The following ZNG1A variants were observed in gnomAD, a reference collection of about 807,000 sequenced individuals.
ZNG1A encodes the protein Zn regulated GTPase metalloprotein activator 1A, also known as zinc-regulated GTPase metalloprotein activator 1A.
the ZNG1A span, among the ~76,000 whole-genome samples, chr9:129,736 G>A: frequency 6.6e-6 from 1 of 150,486 alleles, no homozygotes; most frequent in African/African-American, 2.5e-5. Flanking sequence ...CCAGAGGTCT[G>A]CTATGTAACA....
chr9:131,727 A>G, the ZNG1A span, among the ~76,000 whole-genome samples: 1 of 148,314 alleles, frequency 6.7e-6, no homozygotes, highest in East Asian at 2.0e-4. Context: ...ACAGCTCTGG[A>G]TTTATCCCAT....
the ZNG1A span, chr9:178,671 G>A: frequency 1.7e-5 from 14 of 841,154 alleles, 2 homozygotes; most frequent in African/African-American, 2.1e-4. Context: ...CAACCCATAC[G>A]AGAAGCAAGT....
the ZNG1A span, among the ~76,000 whole-genome samples, chr9:140,416 A>ACGGC: frequency 2.0e-5 from 3 of 151,144 alleles, no homozygotes; most frequent in Non-Finnish European, 4.4e-5. Context: ...GACACCTCAC[A>ACGGC]CGGCCGGGTA....
the ZNG1A span, chr9:154,347 C>T: frequency 5.4e-5 from 20 of 369,912 alleles, no homozygotes; most frequent in Middle Eastern, 1.4e-3. Flanking sequence ...GAATACATTA[C>T]GAGTAAAGAC....
chr9:129,108 G>A, the ZNG1A span, among the ~76,000 whole-genome samples: 1 of 151,608 alleles, frequency 6.6e-6, no homozygotes, highest in Non-Finnish European at 1.5e-5. Flanking sequence ...TACTCTTTGA[G>A]GGTTCTTAGC....
chr9:133,286 A>C, the ZNG1A span, among the ~76,000 whole-genome samples: 2 of 86,208 alleles, frequency 2.3e-5, no homozygotes, highest in Admixed American at 1.2e-4. Flanking sequence ...AAAGCAGGAC[A>C]GTGCATCAGA....
the ZNG1A span, among the ~76,000 whole-genome samples, chr9:165,002 T>C: frequency 1.3e-5 from 2 of 152,194 alleles, no homozygotes; most frequent in African/African-American, 4.8e-5. Flanking sequence ...AAAAACTTAA[T>C]AGTTTTCCAA....
the ZNG1A span, among the ~76,000 whole-genome samples, chr9:142,064 GAGACTT>G: frequency 2.1e-5 from 3 of 144,012 alleles, no homozygotes; most frequent in Non-Finnish European, 4.5e-5. Context: ...GACCTACAAA[GAGACTT>G]AGACTCCCAC....
At chr9:174,282 T>C in the ZNG1A span, among the ~76,000 whole-genome samples, 1 of 152,106 alleles carries the variant, frequency 6.6e-6, no homozygotes, top group Admixed American at 6.5e-5. Flanking sequence ...TTTCCTCTAA[T>C]AAAGAAATAT....
chr9:154,764 T>C, the ZNG1A span: 13 of 1,596,976 alleles, frequency 8.1e-6, no homozygotes, highest in South Asian at 1.3e-4. Context: ...TCTGTTTTAT[T>C]AATGAGAATG....
the ZNG1A span, among the ~76,000 whole-genome samples, chr9:138,393 T>C: frequency 8.6e-6 from 1 of 116,584 alleles, no homozygotes; most frequent in Non-Finnish European, 1.8e-5. Flanking sequence ...TTTTTCTTTC[T>C]TTCTTTTTTT....
the ZNG1A span, among the ~76,000 whole-genome samples, chr9:158,474 C>G: frequency 0.05 from 7,140 of 141,448 alleles, 367 homozygotes; most frequent in African/African-American, 0.13. Flanking sequence ...TATGAAATTG[C>G]GGTTATTTGG....
chr9:169,807 A>G, the ZNG1A span, among the ~76,000 whole-genome samples: 1,211 of 141,964 alleles, frequency 8.5e-3, 2 homozygotes, highest in Non-Finnish European at 9.9e-3. Context: ...TGTTTTTTAG[A>G]CAATTCTATT....
the ZNG1A span, among the ~76,000 whole-genome samples, chr9:159,651 T>C: frequency 4.3e-3 from 651 of 150,712 alleles, 1 homozygote; most frequent in African/African-American, 0.015. Context: ...CTATAGGGTG[T>C]CCTTTTCTGC....
At chr9:133,854 G>A in the ZNG1A span, among the ~76,000 whole-genome samples, 1 of 151,906 alleles carries the variant, frequency 6.6e-6, no homozygotes, top group African/African-American at 2.4e-5. Context: ...ACTCATGCCA[G>A]GCAAAAGCAT....
the ZNG1A span, chr9:177,708 G>C: frequency 6.8e-7 from 1 of 1,469,186 alleles, no homozygotes; most frequent in African/African-American, 1.4e-5. Context: ...TTTCTCCAGT[G>C]ATCTACTGAC....
At chr9:144,715 C>T in the ZNG1A span, among the ~76,000 whole-genome samples, 3 of 113,452 alleles carry the variant, frequency 2.6e-5, no homozygotes, top group Admixed American at 8.9e-5. Flanking sequence ...TTAAACTAAA[C>T]AGCTTCTGCA....
At chr9:145,806 T>A in the ZNG1A span, among the ~76,000 whole-genome samples, 1 of 151,974 alleles carries the variant, frequency 6.6e-6, no homozygotes, top group Non-Finnish European at 1.5e-5. Flanking sequence ...TTCTATGTAT[T>A]TCATGCATTT....
the ZNG1A span, among the ~76,000 whole-genome samples, chr9:140,350 T>C: frequency 6.6e-6 from 1 of 151,398 alleles, no homozygotes; most frequent in African/African-American, 2.4e-5. Flanking sequence ...AGTGGGTCCC[T>C]GACCCCTGAC....
Sources: gnomAD v4.1 joint callset for allele counts (sites outside exome capture counted in the v4.1 genomes callset) on GRCh38, gnomAD v4.1.1 for gene constraint, MANE v1.5 for transcripts, NCBI Gene and HGNC (gene_info 2026-07-23, HGNC 2026-07-21) for gene names.